The following RTN1 variants were observed in gnomAD, a reference collection of about 807,000 sequenced individuals.
RTN1 encodes reticulon 1.
Under a neutral mutation model 65.5 loss-of-function variants are expected in RTN1, and 25 were observed. That is an observed-to-expected ratio of 0.38 (90% CI 0.28 to 0.53). The LOEUF is 0.53. RTN1 is among the 20% of genes least tolerant of loss of function. The pLI is 0.79. For missense variants in RTN1, 983 were observed against 1,025.4 expected (o/e 0.96, Z 0.57); for synonymous variants, 471 against 447.6 (o/e 1.05, Z -0.66).
intron 3 of RTN1, among the ~76,000 whole-genome samples, chr14:59,714,171 G>C (rs113753179): frequency 0.04 from 5,996 of 150,806 alleles, 395 homozygotes; most frequent in African/African-American, 0.14. Flanking sequence ...GGAGGCAGAA[G>C]TTGCAGTTAG....
At chr14:59,725,301 G>A (rs986071892) in intron 3 of RTN1, among the ~76,000 whole-genome samples, 7 of 152,110 alleles carry the variant, frequency 4.6e-5, no homozygotes, top group African/African-American at 7.2e-5. Context: ...GAACAGCACC[G>A]TGCACACGGT....
chr14:59,702,428 G>A (rs1249311295), intron 3 of RTN1, among the ~76,000 whole-genome samples: 1 of 152,154 alleles, frequency 6.6e-6, no homozygotes, highest in South Asian at 2.1e-4. Flanking sequence ...GATATATAAA[G>A]TTTAATTGCC....
chr14:59,700,210 ATGT>A (rs1884148765), intron 3 of RTN1, among the ~76,000 whole-genome samples: 1 of 152,148 alleles, frequency 6.6e-6, no homozygotes, highest in African/African-American at 2.4e-5. Flanking sequence ...CAACTACAAC[ATGT>A]TGTTGAAATA....
intron 3 of RTN1, among the ~76,000 whole-genome samples, chr14:59,615,613 T>C (rs921985250): frequency 2.0e-5 from 3 of 152,240 alleles, no homozygotes; most frequent in Admixed American, 1.3e-4. Flanking sequence ...TCTTACCCTA[T>C]GGTCAAACTA....
chr14:59,839,799 C>T (rs968674606), intron 1 of RTN1, among the ~76,000 whole-genome samples: 1 of 151,920 alleles, frequency 6.6e-6, no homozygotes, highest in African/African-American at 2.4e-5. Context: ...TCTAATATAT[C>T]TAATTCATTT....
At chr14:59,705,856 T>G (rs947006207) in intron 3 of RTN1, among the ~76,000 whole-genome samples, 2 of 152,202 alleles carry the variant, frequency 1.3e-5, no homozygotes, top group African/African-American at 4.8e-5. Flanking sequence ...AATATGGCCG[T>G]TTGGCATGCT....
intron 3 of RTN1, among the ~76,000 whole-genome samples, chr14:59,664,079 A>T (rs1481475025): frequency 6.6e-6 from 1 of 152,218 alleles, no homozygotes; most frequent in Non-Finnish European, 1.5e-5. Context: ...AATGCCCAGC[A>T]ATGATACGCT....
chr14:59,773,679 A>G (rs1446790990), intron 1 of RTN1, among the ~76,000 whole-genome samples: 1 of 152,126 alleles, frequency 6.6e-6, no homozygotes, highest in African/African-American at 2.4e-5. Flanking sequence ...TCTGAGATTT[A>G]ATGGGGGAAA....
intron 3 of RTN1, among the ~76,000 whole-genome samples, chr14:59,679,483 C>G (rs777938077): frequency 5.9e-5 from 9 of 152,128 alleles, no homozygotes; most frequent in Non-Finnish European, 1.3e-4. Flanking sequence ...CCTTAATTTC[C>G]CCAACTGTGG....
chr14:59,721,057 G>T (rs913481119), intron 3 of RTN1, among the ~76,000 whole-genome samples: 5 of 151,748 alleles, frequency 3.3e-5, no homozygotes, highest in African/African-American at 9.7e-5. Context: ...ACTTATTTTG[G>T]TTCCCTCCCA....
intron 8 of RTN1, among the ~76,000 whole-genome samples, chr14:59,599,588 A>G (rs567552839): frequency 1.3e-5 from 2 of 152,294 alleles, no homozygotes; most frequent in South Asian, 4.1e-4. Context: ...TCTGGATCAT[A>G]CATCTCCATT....
intron 1 of RTN1, among the ~76,000 whole-genome samples, chr14:59,802,747 C>T (rs1324179880): frequency 6.6e-6 from 1 of 152,216 alleles, no homozygotes; most frequent in African/African-American, 2.4e-5. Context: ...TTTATTTTCC[C>T]GATCTCTGAC....
rs1566711921 is a variant in RTN1 at position 59,749,473 on chromosome 14, C to CTATATCTA, written c.242-2993_242-2992insTAGATATA. Among the ~76,000 whole-genome samples the CTATATCTA allele has an allele frequency of 6.3e-5, 5 of 79,186 alleles. No individual in the cohort carries two copies. In the East Asian group the frequency reaches 1.7e-3, roughly 26 times the overall value. The allele number at this position is 79,186 out of a possible 152,430, so 51.9% of individuals were successfully genotyped here. A position where few individuals can be genotyped will look rare whatever the true frequency, so the allele number is the denominator to read the frequency against. On this transcript the variant is annotated intron_variant, in intron 1 of 8. Transcript: ENST00000267484. Reference sequence around the variant, plus strand: ...ATATATCTATATATATCTAATCTATCTATATATCTATATATATCTATATAT... The same window carrying CTATATCTA: ...ATATATCTATATATATCTAATCTATCTATATCTATATATATCTATATATATCTATATAT...
intron 1 of RTN1, among the ~76,000 whole-genome samples, chr14:59,808,340 C>T (rs1055909060): frequency 1.3e-5 from 2 of 152,178 alleles, no homozygotes; most frequent in African/African-American, 2.4e-5. Context: ...TATAAATAAT[C>T]CCAAACTGCT....
chr14:59,692,850 A>G (rs1883989404), intron 3 of RTN1, among the ~76,000 whole-genome samples: 1 of 152,200 alleles, frequency 6.6e-6, no homozygotes, highest in South Asian at 2.1e-4. Flanking sequence ...AGCAATGGAA[A>G]AAGGACTCCC....
chr14:59,782,788 C>T (rs1226608486), intron 1 of RTN1, among the ~76,000 whole-genome samples: 1 of 152,104 alleles, frequency 6.6e-6, no homozygotes, highest in African/African-American at 2.4e-5. Context: ...CAGGTAGCTG[C>T]TATATAATGT....
intron 1 of RTN1, among the ~76,000 whole-genome samples, chr14:59,784,064 G>A (rs1886206614): frequency 6.6e-6 from 1 of 151,994 alleles, no homozygotes; most frequent in South Asian, 2.1e-4. Flanking sequence ...TTTCTATTAG[G>A]TCATTTGTCT....
intron 3 of RTN1, among the ~76,000 whole-genome samples, chr14:59,672,933 C>T (rs1329813678): frequency 6.6e-6 from 1 of 152,114 alleles, no homozygotes; most frequent in East Asian, 1.9e-4. Context: ...AGCCACCGCG[C>T]CCGGCCAAGA....
intron 1 of RTN1, among the ~76,000 whole-genome samples, chr14:59,771,905 G>A (rs148146630): frequency 6.6e-6 from 1 of 152,244 alleles, no homozygotes; most frequent in African/African-American, 2.4e-5. Context: ...AATTAGATAC[G>A]CAGTAAGAAG....
Sources: allele counts gnomAD v4.1 joint callset (sites outside exome capture counted in the v4.1 genomes callset), GRCh38; gene constraint gnomAD v4.1.1; transcripts MANE v1.5; gene names NCBI Gene and HGNC (gene_info 2026-07-23, HGNC 2026-07-21).